Variants in FYB1 observed in about 807,000 individuals in gnomAD.
FYB1 encodes the protein FYN-binding protein 1.
FYB1 carries 41 observed loss-of-function variants against 94.1 expected under a neutral mutation model. The observed-to-expected ratio is 0.44, with a 90% CI of 0.34 to 0.57. The LOEUF is 0.57. FYB1 is among the 20% of genes least tolerant of loss of function. The pLI, the probability that FYB1 is intolerant of heterozygous loss-of-function variation, is 0.02. For missense variants in FYB1, 1,050 were observed against 976.8 expected (o/e 1.07, Z -1.00); for synonymous variants, 367 against 353.2 (o/e 1.04, Z -0.44).
intron 1 of FYB1, among the ~76,000 whole-genome samples, chr5:39,248,011 A>G (rs1327101184): frequency 1.3e-5 from 2 of 152,096 alleles, no homozygotes; most frequent in African/African-American, 4.8e-5. Context: ...CTCAAGTGTA[A>G]TAAGAAGAAA....
intron 1 of FYB1, among the ~76,000 whole-genome samples, chr5:39,213,590 G>C (rs578131995): frequency 5.2e-4 from 79 of 152,264 alleles, no homozygotes; most frequent in African/African-American, 1.8e-3. Context: ...GCAACATCGT[G>C]GGCAATCTGA....
At chr5:39,187,665 A>T (rs1746962328) in intron 2 of FYB1, among the ~76,000 whole-genome samples, 1 of 152,188 alleles carries the variant, frequency 6.6e-6, no homozygotes, top group African/African-American at 2.4e-5. Flanking sequence ...GAGAGCTCCT[A>T]AAGGAACAAG....
intron 1 of FYB1, among the ~76,000 whole-genome samples, chr5:39,261,832 C>G (rs903149282): frequency 1.3e-5 from 2 of 152,064 alleles, no homozygotes; most frequent in African/African-American, 4.8e-5. Context: ...GTTGGAAGCC[C>G]AGAAGCAGAG....
At chr5:39,159,920 T>C (rs981442664) in intron 2 of FYB1, among the ~76,000 whole-genome samples, 1 of 152,178 alleles carries the variant, frequency 6.6e-6, no homozygotes, top group African/African-American at 2.4e-5. Flanking sequence ...TATCTTCAAC[T>C]CTATAGAAGA....
chr5:39,181,051 G>T (rs1472265643), intron 2 of FYB1, among the ~76,000 whole-genome samples: 1 of 152,158 alleles, frequency 6.6e-6, no homozygotes, highest in East Asian at 1.9e-4. Flanking sequence ...GGCATACAGG[G>T]AAACTTGGGG....
chr5:39,122,813 T>C (rs905758192), intron 13 of FYB1, among the ~76,000 whole-genome samples: 2 of 152,126 alleles, frequency 1.3e-5, no homozygotes, highest in African/African-American at 4.8e-5. Context: ...TGTGATAATA[T>C]ATATCATCCT....
At chr5:39,219,639 C>A (rs1750142214), upstream of FYB1, 1 of 980,838 alleles carries the variant, frequency 1.0e-6, no homozygotes, top group Non-Finnish European at 1.2e-6. Context: ...CCTGACCAGG[C>A]AAACTTAGAC....
chr5:39,195,642 A>G (rs973105509), intron 2 of FYB1, among the ~76,000 whole-genome samples: 2 of 152,206 alleles, frequency 1.3e-5, no homozygotes, highest in Non-Finnish European at 2.9e-5. Context: ...CCTATAGCTA[A>G]CATATGGAAA....
intron 1 of FYB1, among the ~76,000 whole-genome samples, chr5:39,269,484 C>T (rs1364941934): frequency 2.0e-5 from 3 of 152,220 alleles, no homozygotes; most frequent in Non-Finnish European, 2.9e-5. Flanking sequence ...CATGCACTAA[C>T]ATTTCCTCTA....
At chr5:39,224,871 G>A (rs969215612) in intron 1 of FYB1, among the ~76,000 whole-genome samples, 3 of 152,112 alleles carry the variant, frequency 2.0e-5, no homozygotes, top group Non-Finnish European at 4.4e-5. Flanking sequence ...TTTCTTCCAA[G>A]TAGGAAACTA....
In FYB1 at chr5:39,238,137, G is replaced by T. The variant is rs528380907; in HGVS notation, c.-27-35150C>A. ...CCACTGAACTGTACCCTTAAAAATG[G>T]TTAAGATGGTAAATTTTGTTATGTG... On this transcript the variant is annotated intron_variant, in intron 1 of 1. Transcript: ENST00000510188. Among the ~76,000 whole-genome samples, 18 of 152,102 alleles carry T rather than the reference G, an allele frequency of 1.2e-4. No homozygotes were observed. The South Asian group carries it at 3.7e-3, about 32-fold the overall frequency.
chr5:39,158,761 G>A (rs16868205), intron 2 of FYB1, among the ~76,000 whole-genome samples: 8,220 of 152,166 alleles, frequency 0.054, 729 homozygotes, highest in African/African-American at 0.19. Context: ...TGGAGATCTG[G>A]TTCTCAATTT....
chr5:39,159,272 T>A (rs965992378), intron 2 of FYB1, among the ~76,000 whole-genome samples: 2 of 152,228 alleles, frequency 1.3e-5, no homozygotes, highest in African/African-American at 4.8e-5. Flanking sequence ...TATAGACTTT[T>A]ATTTTCTCTG....
At chr5:39,187,817 G>A (rs1268791528) in intron 2 of FYB1, among the ~76,000 whole-genome samples, 2 of 146,008 alleles carry the variant, frequency 1.4e-5, no homozygotes, top group Admixed American at 1.4e-4. Context: ...TCTTTGCCTT[G>A]CATACCACCA....
chr5:39,207,781 TG>T, intron 1 of FYB1, among the ~76,000 whole-genome samples: 2 of 141,956 alleles, frequency 1.4e-5, no homozygotes, highest in Middle Eastern at 7.1e-3. Context: ...GGTGTGGGGG[TG>T]GGCCGGGGAA....
intron 1 of FYB1, among the ~76,000 whole-genome samples, chr5:39,273,023 G>T (rs1158425391): frequency 6.6e-6 from 1 of 152,180 alleles, no homozygotes; most frequent in Non-Finnish European, 1.5e-5. Context: ...GGAGGGAGGT[G>T]GGGGGCGCCT....
chr5:39,269,263 A>G (rs529920202), intron 1 of FYB1, among the ~76,000 whole-genome samples: 3 of 151,682 alleles, frequency 2.0e-5, no homozygotes, highest in African/African-American at 7.2e-5. Context: ...GTTAGCCAGG[A>G]TGGTCTCGAT....
intron 2 of FYB1, among the ~76,000 whole-genome samples, chr5:39,175,011 T>C (rs949572818): frequency 2.2e-4 from 34 of 152,204 alleles, no homozygotes; most frequent in Admixed American, 2.0e-3. Context: ...ATGGTTCTAT[T>C]TGTTTGCTTG....
At chr5:39,251,309 A>G (rs571675511) in intron 1 of FYB1, among the ~76,000 whole-genome samples, 1 of 152,324 alleles carries the variant, frequency 6.6e-6, no homozygotes, top group South Asian at 2.1e-4. Flanking sequence ...TACCCTATAG[A>G]CCACACTAGG....
Sources: allele counts gnomAD v4.1 joint callset (sites outside exome capture counted in the v4.1 genomes callset), GRCh38; gene constraint gnomAD v4.1.1; transcripts MANE v1.5; gene names NCBI Gene and HGNC (gene_info 2026-07-23, HGNC 2026-07-21).